The following DLG2 variants were observed in gnomAD, a reference collection of about 807,000 sequenced individuals.
The protein encoded by DLG2 is disks large homolog 2.
A neutral mutation model predicts 132.5 loss-of-function variants in DLG2; 45 were observed. The ratio of observed to expected loss-of-function variants is 0.34; its 90% CI spans 0.27 to 0.44. The LOEUF is 0.44. Among genes scored for constraint, DLG2 ranks in the 20% least tolerant of loss-of-function variants. The pLI, the probability that DLG2 is intolerant of heterozygous loss-of-function variation, is 1.00. For missense variants in DLG2, 1,045 were observed against 1,196.9 expected (o/e 0.87, Z 1.87); for synonymous variants, 424 against 419.6 (o/e 1.01, Z -0.13).
chr11:85,359,590 C>T (rs1387913952), intron 3 of DLG2, among the ~76,000 whole-genome samples: 1 of 152,138 alleles, frequency 6.6e-6, no homozygotes, highest in Non-Finnish European at 1.5e-5. Context: ...TTAAGCACCT[C>T]TTAATCAACT....
At chr11:85,273,579 G>T (rs2077686053) in intron 4 of DLG2, among the ~76,000 whole-genome samples, 1 of 152,186 alleles carries the variant, frequency 6.6e-6, no homozygotes. Context: ...CAGTTAGATT[G>T]CTGATCATTA....
chr11:84,563,748 G>T (rs1432281411), intron 6 of DLG2, among the ~76,000 whole-genome samples: 3 of 152,152 alleles, frequency 2.0e-5, no homozygotes, highest in African/African-American at 7.2e-5. Context: ...CTCAGATCTT[G>T]GTCCTGGCTC....
intron 6 of DLG2, among the ~76,000 whole-genome samples, chr11:84,608,093 G>T (rs2099588984): frequency 6.6e-6 from 1 of 152,068 alleles, no homozygotes; most frequent in South Asian, 2.1e-4. Context: ...CTCTCTAGAG[G>T]CAGTGAGCAA....
chr11:85,615,773 C>T (rs989118182), intron 2 of DLG2, among the ~76,000 whole-genome samples: 3 of 151,756 alleles, frequency 2.0e-5, no homozygotes, highest in Admixed American at 6.6e-5. Context: ...TTTAAAAACA[C>T]GCATGGCATC....
At chr11:84,165,922 A>G (rs988807487) in intron 8 of DLG2, among the ~76,000 whole-genome samples, 3 of 151,982 alleles carry the variant, frequency 2.0e-5, no homozygotes, top group Non-Finnish European at 2.9e-5. Context: ...ACAAACAACA[A>G]CAACAACAAC....
chr11:85,314,031 C>T (rs1313805856), intron 3 of DLG2, among the ~76,000 whole-genome samples: 1 of 151,872 alleles, frequency 6.6e-6, no homozygotes, highest in Non-Finnish European at 1.5e-5. Context: ...TAAGCAATGG[C>T]CCCAAAATGA....
chr11:84,651,313 G>A (rs2099681762), intron 6 of DLG2, among the ~76,000 whole-genome samples: 1 of 151,998 alleles, frequency 6.6e-6, no homozygotes, highest in Admixed American at 6.6e-5. Context: ...GAGTTAAACT[G>A]CACTCCATAT....
chr11:85,340,554 G>A (rs977065630), intron 3 of DLG2, among the ~76,000 whole-genome samples: 2 of 152,092 alleles, frequency 1.3e-5, no homozygotes, highest in Non-Finnish European at 2.9e-5. Flanking sequence ...TGAGTTGATG[G>A]GTGCAGTAAA....
At chr11:85,624,660 A>G (rs1247007601) in intron 2 of DLG2, among the ~76,000 whole-genome samples, 1 of 152,234 alleles carries the variant, frequency 6.6e-6, no homozygotes, top group East Asian at 1.9e-4. Flanking sequence ...CTAGTTGTCT[A>G]TAATATTCAA....
Position 84,541,657 on chromosome 11 carries a change from A to T in DLG2, c.358-6926T>A, listed in dbSNP as rs193209606. On this transcript the variant is annotated intron_variant, in intron 6 of 27. Coordinates refer to ENST00000376104, the MANE Select transcript of DLG2 (RefSeq NM_001142699.3). The stretch of plus-strand genomic sequence containing the variant: ...TTCATCTCTGAATCTCCAATGCCCA[A>T]CCGACAAATGACACATAAAAAGAGA... Among the ~76,000 whole-genome samples, 50 of 152,296 alleles carry T rather than the reference A, an allele frequency of 3.3e-4. 1 individual carries two copies. Among genetic ancestry groups the T allele is most frequent in the African/African-American group, 1.2e-3 (49 of 41,558 alleles).
At chr11:84,262,823 C>T (rs558712066) in intron 7 of DLG2, among the ~76,000 whole-genome samples, 2 of 152,294 alleles carry the variant, frequency 1.3e-5, no homozygotes, top group East Asian at 3.9e-4. Context: ...TAATAGTCTA[C>T]TGTCTCATCC....
chr11:84,993,163 C>G (rs1021065410), intron 6 of DLG2, among the ~76,000 whole-genome samples: 8 of 152,132 alleles, frequency 5.3e-5, no homozygotes, highest in African/African-American at 1.4e-4. Context: ...AACAGAGGAA[C>G]AGAAAACCAA....
intron 7 of DLG2, among the ~76,000 whole-genome samples, chr11:84,339,724 T>G (rs975850255): frequency 5.9e-5 from 9 of 152,192 alleles, no homozygotes; most frequent in African/African-American, 2.2e-4. Flanking sequence ...CATCTCCCCA[T>G]GGAAGTAGCC....
intron 6 of DLG2, among the ~76,000 whole-genome samples, chr11:85,037,125 A>T (rs148272708): frequency 6.6e-6 from 1 of 152,172 alleles, no homozygotes; most frequent in Non-Finnish European, 1.5e-5. Context: ...ACAATCCATC[A>T]ACTCACCTGA....
intron 3 of DLG2, among the ~76,000 whole-genome samples, chr11:85,468,276 T>C (rs562194444): frequency 6.6e-6 from 1 of 152,320 alleles, no homozygotes; most frequent in African/African-American, 2.4e-5. Context: ...CTGGATTCAT[T>C]GATTTTTTGA....
At chr11:83,657,534 CTT>C (rs540422330) in intron 18 of DLG2, among the ~76,000 whole-genome samples, 1 of 93,376 alleles carries the variant, frequency 1.1e-5, no homozygotes, top group African/African-American at 4.7e-5. Context: ...ATTGTCTATT[CTT>C]TTTTTTTTTT....
intron 8 of DLG2, among the ~76,000 whole-genome samples, chr11:84,208,055 T>C (rs2096698448): frequency 6.6e-6 from 1 of 152,206 alleles, no homozygotes; most frequent in African/African-American, 2.4e-5. Flanking sequence ...TGAATCCACC[T>C]CTAACCTATA....
In DLG2 at chr11:85,307,575, C is replaced by T. The variant is rs570185391; in HGVS notation, c.41-22210G>A. On this transcript the variant is annotated intron_variant, in intron 3 of 27. Coordinates refer to ENST00000376104, the MANE Select transcript of DLG2 (RefSeq NM_001142699.3). Reference sequence around the variant, plus strand: ...AATGAGGTCATTTTTCTCTAAACCACGATGATCCCTTTCCTCAATTTCACA... The same window carrying T: ...AATGAGGTCATTTTTCTCTAAACCATGATGATCCCTTTCCTCAATTTCACA... 5.9e-5 allele frequency among the ~76,000 whole-genome samples: 9 copies of T among 152,280 alleles called. 1 individual carries two copies. In the South Asian group the frequency reaches 1.9e-3, roughly 32 times the overall value.
chr11:85,134,929 C>G (rs556831954), intron 5 of DLG2, among the ~76,000 whole-genome samples: 71 of 152,236 alleles, frequency 4.7e-4, no homozygotes, highest in African/African-American at 1.7e-3. Flanking sequence ...AGTTAAACAC[C>G]ACCAATAAAA....
Sources: gnomAD v4.1 joint callset for allele counts (sites outside exome capture counted in the v4.1 genomes callset) on GRCh38, gnomAD v4.1.1 for gene constraint, MANE v1.5 for transcripts, NCBI Gene and HGNC (gene_info 2026-07-23, HGNC 2026-07-21) for gene names.